Variants in LRP12 observed in about 807,000 individuals in gnomAD.
LRP12 encodes low-density lipoprotein receptor-related protein 12.
In LRP12, 14 loss-of-function variants were observed where a neutral mutation model predicts 66.0. That is an observed-to-expected ratio of 0.21 (90% CI 0.14 to 0.33). The LOEUF is 0.33. LRP12 is among the 10% of genes least tolerant of loss of function. The pLI, the probability that LRP12 is intolerant of heterozygous loss-of-function variation, is 1.00. For synonymous variants in LRP12, 357 were observed against 359.1 expected (o/e 0.99, Z 0.07); for missense variants, 889 against 1,053.4 (o/e 0.84, Z 2.16).
At chr8:104,563,821 G>A (rs1009906339) in intron 1 of LRP12, among the ~76,000 whole-genome samples, 7 of 152,090 alleles carry the variant, frequency 4.6e-5, no homozygotes, top group East Asian at 1.9e-4. Context: ...CTTCCCAGCC[G>A]CCAGAACTGT....
chr8:104,491,607 ACCCTTCTATT>A, intron 6 of LRP12, 68 bp from the exon 7 acceptor site: 19 of 899,398 alleles, frequency 2.1e-5, no homozygotes, highest in South Asian at 3.6e-5. Context: ...AAAAAAAAAC[ACCCTTCTATT>A]AAGAATGTGT....
intron 2 of LRP12, among the ~76,000 whole-genome samples, chr8:104,513,976 T>C (rs979834936): frequency 3.3e-5 from 5 of 152,202 alleles, no homozygotes; most frequent in African/African-American, 1.2e-4. Context: ...TATCCTATAT[T>C]CTGAATCTAC....
intron 6 of LRP12, among the ~76,000 whole-genome samples, chr8:104,492,062 T>C (rs956510188): frequency 1.3e-5 from 2 of 152,166 alleles, no homozygotes; most frequent in Admixed American, 1.3e-4. Flanking sequence ...CAGAGTTGGT[T>C]CTCAAGCATT....
At chr8:104,495,297 A>T in intron 5 of LRP12, 88 bp from the exon 6 acceptor site, 5 of 1,281,852 alleles carry the variant, frequency 3.9e-6, no homozygotes, top group Non-Finnish European at 4.4e-6. Flanking sequence ...AAACAATCTG[A>T]GTCTTGGCAT....
intron 1 of LRP12, among the ~76,000 whole-genome samples, chr8:104,557,037 A>G (rs982784377): frequency 1.3e-5 from 2 of 152,232 alleles, no homozygotes; most frequent in African/African-American, 4.8e-5. Flanking sequence ...TAGACACAGA[A>G]AAAGCATTTG....
chr8:104,497,245 T>C lies in LRP12; in HGVS notation c.1307A>G (p.Gln436Arg), dbSNP rs1810743659. ...CYPRSDRCNY[Q>R]NHCPNGSDEK... ...ATCTGAGCCATTTGGGCAATGATTC[T>C]GGTAGTTGCAGCGATCAGAACGAGG... The change falls in exon 5 of 7, where the codon CAG becomes CGG. Residue 436 changes from glutamine to arginine, a missense_variant. Around this residue, in one of 3 missense-constraint regions of LRP12, gnomAD observed 800 missense variants for 964.5 expected, o/e 0.83. Transcript: ENST00000276654. This position sits in a 1 kb window ranked among gnomAD's most constrained non-coding sequence, Gnocchi z 4.3. 6.2e-7 allele frequency: 1 copy of C among 1,613,898 alleles called. No homozygotes were observed. Among genetic ancestry groups the C allele is most frequent in the African/African-American group, 1.3e-5 (1 of 74,922 alleles).
intron 1 of LRP12, among the ~76,000 whole-genome samples, chr8:104,556,523 C>T (rs1235869358): frequency 6.6e-6 from 1 of 151,952 alleles, no homozygotes; most frequent in African/African-American, 2.4e-5. Context: ...TTTATGCACA[C>T]AAATGAGAAA....
intron 3 of LRP12, chr8:104,508,370 T>G (rs571619463): frequency 6.6e-6 from 1 of 152,336 alleles, no homozygotes; most frequent in South Asian, 2.1e-4. Flanking sequence ...AATCTTAAAC[T>G]TACAGCTATT....
At chr8:104,560,019 G>T (rs1051572874) in intron 1 of LRP12, among the ~76,000 whole-genome samples, 6 of 152,046 alleles carry the variant, frequency 3.9e-5, no homozygotes, top group Admixed American at 1.3e-4. Context: ...ACTTGCTCAA[G>T]GACACGACTA....
intron 1 of LRP12, among the ~76,000 whole-genome samples, chr8:104,570,035 T>A (rs920181382): frequency 2.0e-5 from 3 of 152,150 alleles, no homozygotes; most frequent in African/African-American, 7.2e-5. Flanking sequence ...AAAGCAATAT[T>A]ATTTCCTATA....
intron 1 of LRP12, among the ~76,000 whole-genome samples, chr8:104,539,496 C>CA (rs34124299): frequency 0.071 from 10,608 of 149,596 alleles, 421 homozygotes; most frequent in South Asian, 0.084. Context: ...ATTTTTTAAA[C>CA]AAAAAAAAAC....
intron 1 of LRP12, among the ~76,000 whole-genome samples, chr8:104,561,658 T>C (rs1811909043): frequency 6.6e-6 from 1 of 152,192 alleles, no homozygotes; most frequent in Non-Finnish European, 1.5e-5. Context: ...TGTTCCTTAT[T>C]ACACATCTAT....
At chr8:104,496,371 C>T (rs182301815) in intron 5 of LRP12, among the ~76,000 whole-genome samples, 2 of 152,294 alleles carry the variant, frequency 1.3e-5, no homozygotes, top group East Asian at 3.9e-4. Context: ...TAGGTTATTG[C>T]TTTAACAACA....
At chr8:104,541,023 C>T (rs1047793828) in intron 1 of LRP12, among the ~76,000 whole-genome samples, 2 of 152,192 alleles carry the variant, frequency 1.3e-5, no homozygotes, top group African/African-American at 4.8e-5. Context: ...TGAGCCACCG[C>T]GCCCGGCCAA....
intron 1 of LRP12, among the ~76,000 whole-genome samples, chr8:104,557,246 A>C (rs1031088893): frequency 6.6e-6 from 1 of 152,148 alleles, no homozygotes; most frequent in Non-Finnish European, 1.5e-5. Context: ...GCCCACTTTC[A>C]CCACTTCTAT....
chr8:104,492,481 T>C (rs1025229360), intron 6 of LRP12, among the ~76,000 whole-genome samples: 7 of 152,252 alleles, frequency 4.6e-5, no homozygotes, highest in African/African-American at 1.4e-4. Flanking sequence ...TATTTAAAAA[T>C]TGTATTTCCA....
chr8:104,560,726 T>C (rs1271448704), intron 1 of LRP12, among the ~76,000 whole-genome samples: 2 of 152,222 alleles, frequency 1.3e-5, no homozygotes, highest in East Asian at 3.8e-4. Flanking sequence ...TAAATCTTGA[T>C]GACATTTAAT....
chr8:104,517,415 T>C (rs1811086854), intron 2 of LRP12, among the ~76,000 whole-genome samples: 1 of 151,880 alleles, frequency 6.6e-6, no homozygotes, highest in African/African-American at 2.4e-5. Flanking sequence ...CTAAACTAGT[T>C]AAAAGAATTT....
intron 1 of LRP12, among the ~76,000 whole-genome samples, chr8:104,555,685 A>G (rs1025417884): frequency 1.3e-5 from 2 of 152,180 alleles, no homozygotes; most frequent in African/African-American, 4.8e-5. Flanking sequence ...GACCTAAGAA[A>G]TGAGATAGAG....
Sources: allele counts gnomAD v4.1 joint callset (sites outside exome capture counted in the v4.1 genomes callset), GRCh38; gene constraint gnomAD v4.1.1; regional missense constraint gnomAD v4.1.1; non-coding constraint Gnocchi (gnomAD v3.1); transcripts MANE v1.5; gene names NCBI Gene and HGNC (gene_info 2026-07-23, HGNC 2026-07-21).